TMEFF1: variants seen among roughly 807,000 people sequenced by gnomAD.
TMEFF1 encodes transmembrane protein with EGF like and two follistatin like domains 1, also known as tomoregulin-1.
TMEFF1 carries 20 observed loss-of-function variants against 47.5 expected under a neutral mutation model. The observed-to-expected ratio is 0.42, with a 90% CI of 0.30 to 0.61. TMEFF1 has a LOEUF of 0.61. TMEFF1 is among the 20% of genes least tolerant of loss of function. The pLI is 0.19. For synonymous variants in TMEFF1, 162 were observed against 166.3 expected (o/e 0.97, Z 0.20); for missense variants, 411 against 471.1 (o/e 0.87, Z 1.18).
intron 7 of TMEFF1, among the ~76,000 whole-genome samples, chr9:100,558,059 A>G (rs1838949118): frequency 6.6e-6 from 1 of 152,056 alleles, no homozygotes; most frequent in Non-Finnish European, 1.5e-5. Context: ...TTCATTCAGT[A>G]TATGTTTATT....
intron 9 of TMEFF1, 91 bp from the exon 10 acceptor site, chr9:100,576,425 C>A (rs1839355629): frequency 1.1e-5 from 16 of 1,502,122 alleles, no homozygotes; most frequent in South Asian, 2.6e-5. Flanking sequence ...GCTTTATGTG[C>A]AAAATGTGTA....
chr9:100,482,476 G>A (rs1270319100), intron 1 of TMEFF1, among the ~76,000 whole-genome samples: 1 of 152,196 alleles, frequency 6.6e-6, no homozygotes, highest in Non-Finnish European at 1.5e-5. Context: ...GGGATTACAG[G>A]CGTGAGCCAC....
At chr9:100,503,445 T>C (rs184202905) in intron 2 of TMEFF1, among the ~76,000 whole-genome samples, 44 of 152,116 alleles carry the variant, frequency 2.9e-4, no homozygotes, top group African/African-American at 1.1e-3. Flanking sequence ...CTATGTGTCT[T>C]TCTTCCTGTA....
intron 1 of TMEFF1, among the ~76,000 whole-genome samples, chr9:100,496,586 C>T (rs1033932153): frequency 4.6e-5 from 7 of 152,152 alleles, no homozygotes; most frequent in African/African-American, 1.4e-4. Flanking sequence ...ATGATTATTC[C>T]CCTAAAGTAT....
At chr9:100,572,832 G>A (rs1839273343) in intron 9 of TMEFF1, among the ~76,000 whole-genome samples, 156 bp downstream of exon 9, 1 of 152,026 alleles carries the variant, frequency 6.6e-6, no homozygotes, top group Non-Finnish European at 1.5e-5. Flanking sequence ...TTAGGATACG[G>A]GCAGGGACTA....
chr9:100,522,409 T>G (rs1838177919), intron 5 of TMEFF1, among the ~76,000 whole-genome samples: 1 of 151,306 alleles, frequency 6.6e-6, no homozygotes, highest in African/African-American at 2.4e-5. Context: ...AATGACAGGT[T>G]CCTTTATCCA....
rs148527253 is a variant in TMEFF1 at position 100,545,359 on chromosome 9, G to C, written c.561-2385G>C. ...GTACCTGCAGGCTTAACACCATGTG[G>C]AAGCTGCCAAGGCTTGGGGCTTGTA... On this transcript the variant is annotated intron_variant, in intron 5 of 9. Coordinates refer to ENST00000374879, the MANE Select transcript of TMEFF1 (RefSeq NM_003692.5). 9.7e-4 allele frequency among the ~76,000 whole-genome samples: 147 copies of C among 152,296 alleles called. No individual in the cohort carries two copies. In the East Asian group the frequency reaches 0.019, roughly 19 times the overall value.
Position 100,473,388 on chromosome 9 carries a change from G to C in TMEFF1, c.-157G>C, listed in dbSNP as rs1002421842. 4 of 472,106 alleles carry C rather than the reference G, an allele frequency of 8.5e-6. No individual in the cohort carries two copies. Among genetic ancestry groups the C allele is most frequent in the African/African-American group, 8.2e-5 (4 of 48,494 alleles). 29.2% of individuals were successfully genotyped at this position (472,106 alleles called of 1,614,324 possible). A position where few individuals can be genotyped will look rare whatever the true frequency, so the allele number is the denominator to read the frequency against. ...CGAGCGCCGCGGGCCCGGGCCTGGC[G>C]GACGCTGCGGGTGGGGCGGGGATGC... On this transcript the variant is annotated 5_prime_UTR_variant, in exon 1 of 10. Coordinates refer to ENST00000374879, the MANE Select transcript of TMEFF1 (RefSeq NM_003692.5). This position sits in a 1 kb window ranked among gnomAD's most constrained non-coding sequence, Gnocchi z 5.4.
At chr9:100,524,489 T>C (rs755022133) in intron 5 of TMEFF1, among the ~76,000 whole-genome samples, 2 of 152,190 alleles carry the variant, frequency 1.3e-5, no homozygotes, top group Non-Finnish European at 2.9e-5. Context: ...GGGAAGTCAG[T>C]GGACAAAGCC....
chr9:100,491,570 C>T lies in TMEFF1; in HGVS notation c.197-7195C>T, dbSNP rs1232292641. Among the ~76,000 whole-genome samples the T allele has an allele frequency of 1.3e-5, 2 of 152,128 alleles. 1 individual carries two copies. On this transcript the variant is annotated intron_variant, in intron 1 of 9. Transcript: ENST00000374879. The stretch of plus-strand genomic sequence containing the variant: ...GCACTAGCAAAAACAGATGACATGG[C>T]TTTAATATGGTTGGGAAAACCAGGT...
chr9:100,478,731 A>G (rs940817903), intron 1 of TMEFF1, among the ~76,000 whole-genome samples: 4 of 152,256 alleles, frequency 2.6e-5, no homozygotes, highest in African/African-American at 9.6e-5. Context: ...GAAGAAAGAT[A>G]AACTTGAATT....
intron 7 of TMEFF1, among the ~76,000 whole-genome samples, chr9:100,559,343 C>T (rs1838971733): frequency 1.3e-5 from 2 of 152,200 alleles, no homozygotes; most frequent in South Asian, 4.2e-4. Flanking sequence ...TTTGTATTCC[C>T]AGCACCTAAC....
intron 2 of TMEFF1, among the ~76,000 whole-genome samples, chr9:100,500,379 C>T (rs7033848): frequency 0.12 from 17,945 of 151,994 alleles, 1,186 homozygotes; most frequent in Middle Eastern, 0.18. Context: ...TCTGGGACTT[C>T]CATGATGTGT....
chr9:100,532,181 G>T (rs1838396457), intron 5 of TMEFF1, among the ~76,000 whole-genome samples: 1 of 151,740 alleles, frequency 6.6e-6, no homozygotes, highest in Non-Finnish European at 1.5e-5. Context: ...ATAGGCATGG[G>T]CAAGGACTTC....
Position 100,491,288 on chromosome 9 carries a change from G to A in TMEFF1, c.197-7477G>A, listed in dbSNP as rs114807777. On this transcript the variant is annotated intron_variant, in intron 1 of 9. Coordinates refer to ENST00000374879, the MANE Select transcript of TMEFF1 (RefSeq NM_003692.5). ...CTTGTTCTGGGAGTGAAACCATCCA[G>A]CAGGGTCCTGTCAGATTGGATTGGT... 4.9e-3 allele frequency among the ~76,000 whole-genome samples: 750 copies of A among 152,238 alleles called. 3 individuals carry two copies. Among genetic ancestry groups the A allele is most frequent in the African/African-American group, 0.017 (703 of 41,532 alleles).
chr9:100,478,642 A>T (rs1837279884), intron 1 of TMEFF1, among the ~76,000 whole-genome samples: 1 of 151,716 alleles, frequency 6.6e-6, no homozygotes, highest in South Asian at 2.1e-4. Context: ...ATTTATGCTT[A>T]TTTTTTTTTA....
intron 2 of TMEFF1, among the ~76,000 whole-genome samples, chr9:100,506,170 A>G (rs569643165): frequency 1.3e-5 from 2 of 152,320 alleles, no homozygotes; most frequent in Middle Eastern, 3.4e-3. Flanking sequence ...TGCCATATGT[A>G]TGCTTCATAA....
intron 3 of TMEFF1, among the ~76,000 whole-genome samples, chr9:100,511,739 C>A (rs775315235): frequency 6.6e-6 from 1 of 152,134 alleles, no homozygotes; most frequent in Non-Finnish European, 1.5e-5. Context: ...GTATTTCATT[C>A]ATCTGACATA....
At chr9:100,520,057 G>C (rs1215422291) in intron 5 of TMEFF1, among the ~76,000 whole-genome samples, 1 of 152,102 alleles carries the variant, frequency 6.6e-6, no homozygotes, top group Non-Finnish European at 1.5e-5. Context: ...TAATCCACTA[G>C]TGATTATGAC....
Sources: gnomAD v4.1 joint callset for allele counts (sites outside exome capture counted in the v4.1 genomes callset) on GRCh38, gnomAD v4.1.1 for gene constraint, Gnocchi (gnomAD v3.1) non-coding constraint, MANE v1.5 for transcripts, NCBI Gene and HGNC (gene_info 2026-07-23, HGNC 2026-07-21) for gene names.